The following TMEM132D variants were observed in gnomAD, a reference collection of about 807,000 sequenced individuals.
TMEM132D encodes mature OL transmembrane protein.
In TMEM132D, 21 loss-of-function variants were observed where a neutral mutation model predicts 62.3. The ratio of observed to expected loss-of-function variants is 0.34; its 90% CI spans 0.24 to 0.49. TMEM132D has a LOEUF of 0.49. Ranked by LOEUF, TMEM132D falls within the 20% of genes least tolerant of loss-of-function variation. TMEM132D has a pLI of 0.99. For missense variants in TMEM132D, 1,346 were observed against 1,402.8 expected (o/e 0.96, Z 0.65); for synonymous variants, 621 against 575.6 (o/e 1.08, Z -1.13).
At chr12:129,651,793 G>T (rs1879934599) in intron 2 of TMEM132D, among the ~76,000 whole-genome samples, 1 of 152,164 alleles carries the variant, frequency 6.6e-6, no homozygotes, top group South Asian at 2.1e-4. Flanking sequence ...CATGTATACA[G>T]TAGGAGTTCT....
rs189739557 is a variant in TMEM132D at position 129,801,007 on chromosome 12, C to T, written c.80-100309G>A. 5.0e-3 allele frequency among the ~76,000 whole-genome samples: 753 copies of T among 151,230 alleles called. 7 individuals are homozygous for T. The highest frequency in any genetic ancestry group is 0.017 in the African/African-American group (711 of 41,086). ...CCACCCGAATACTGCGCTTTTCTGACGGGCTTAAAAAATGGCGCACCAGGA... is the reference window on the plus strand; with the variant it reads ...CCACCCGAATACTGCGCTTTTCTGATGGGCTTAAAAAATGGCGCACCAGGA... On this transcript the variant is annotated intron_variant, in intron 1 of 8. Coordinates refer to ENST00000422113, the MANE Select transcript of TMEM132D (RefSeq NM_133448.3).
chr12:129,561,733 A>G (rs982818024), intron 2 of TMEM132D, among the ~76,000 whole-genome samples: 3 of 152,236 alleles, frequency 2.0e-5, no homozygotes, highest in Admixed American at 1.3e-4. Flanking sequence ...TGCCCAATTA[A>G]CATTTCAGAA....
rs1330017744 is a variant in TMEM132D at position 129,277,619 on chromosome 12, T to G, written c.1299+60015A>C. 6.6e-6 allele frequency among the ~76,000 whole-genome samples: 1 copy of G among 152,252 alleles called. No homozygotes were observed. Among genetic ancestry groups the G allele is most frequent in the African/African-American group, 2.4e-5 (1 of 41,472 alleles). On this transcript the variant is annotated intron_variant, in intron 4 of 8. Transcript: ENST00000422113. The surrounding 1 kb of genome is among the most constrained non-coding windows in gnomAD (Gnocchi z 4.2). ...GTCATGCAAACCAAAGTTGCTCATTTAAAAATTTAAAAGATTACATTTGAA... is the reference window on the plus strand; with the variant it reads ...GTCATGCAAACCAAAGTTGCTCATTGAAAAATTTAAAAGATTACATTTGAA...
intron 3 of TMEM132D, among the ~76,000 whole-genome samples, chr12:129,396,770 AAAGATGAC>A (rs1871444057): frequency 6.6e-6 from 1 of 152,236 alleles, no homozygotes; most frequent in African/African-American, 2.4e-5. Flanking sequence ...TGGCATGTTT[AAAGATGAC>A]TTTATACCCC....
intron 6 of TMEM132D, among the ~76,000 whole-genome samples, chr12:129,083,604 G>A (rs1874521223): frequency 6.6e-6 from 1 of 152,122 alleles, no homozygotes; most frequent in South Asian, 2.1e-4. Context: ...CTCTCCCAGG[G>A]GCCATGGGAC....
At chr12:129,361,190 A>G (rs1315468582) in intron 3 of TMEM132D, among the ~76,000 whole-genome samples, 1 of 152,264 alleles carries the variant, frequency 6.6e-6, no homozygotes, top group African/African-American at 2.4e-5. Flanking sequence ...TTCAAATGAA[A>G]TAAGACTGCA....
intron 2 of TMEM132D, among the ~76,000 whole-genome samples, chr12:129,594,755 G>A (rs1173992974): frequency 1.3e-5 from 2 of 152,138 alleles, no homozygotes; most frequent in Non-Finnish European, 2.9e-5. Flanking sequence ...TAGCAGGAGT[G>A]TTGCCTCCCT....
chr12:129,485,106 A>T (rs1874545120), intron 3 of TMEM132D, among the ~76,000 whole-genome samples: 1 of 152,178 alleles, frequency 6.6e-6, no homozygotes, highest in South Asian at 2.1e-4. Context: ...AAACCAGTGC[A>T]GGAGAGTGTG....
chr12:129,640,195 G>C (rs1263295976), intron 2 of TMEM132D, among the ~76,000 whole-genome samples: 1 of 152,016 alleles, frequency 6.6e-6, no homozygotes, highest in African/African-American at 2.4e-5. Flanking sequence ...CCTTTTTCTG[G>C]AAAGAGCCAG....
At chr12:129,496,136 T>A (rs978425423) in intron 3 of TMEM132D, among the ~76,000 whole-genome samples, 1 of 152,210 alleles carries the variant, frequency 6.6e-6, no homozygotes, top group African/African-American at 2.4e-5. Flanking sequence ...TAACATTACA[T>A]GCAATGAATA....
chr12:129,505,379 A>T (rs1875298372), intron 3 of TMEM132D, among the ~76,000 whole-genome samples: 1 of 152,006 alleles, frequency 6.6e-6, no homozygotes, highest in African/African-American at 2.4e-5. Context: ...AGTAGCTGGG[A>T]CTACAGGCGC....
At position 129,577,645 on chromosome 12, in the gene TMEM132D, C is replaced by T. The variant is rs141220064; in HGVS notation, c.969-46440G>A. 1.7e-3 allele frequency among the ~76,000 whole-genome samples: 256 copies of T among 149,868 alleles called. 4 individuals are homozygous for T. The highest frequency in any genetic ancestry group is 6.0e-3 in the African/African-American group (236 of 39,402). On this transcript the variant is annotated intron_variant, in intron 2 of 8. Coordinates refer to ENST00000422113, the MANE Select transcript of TMEM132D (RefSeq NM_133448.3). ...TATATTATTTGCATTCATGACATACCTAACGTTCAGTTTTTGATATTTGCA... is the reference window on the plus strand; with the variant it reads ...TATATTATTTGCATTCATGACATACTTAACGTTCAGTTTTTGATATTTGCA...
At chr12:129,383,350 G>A (rs751133046) in intron 3 of TMEM132D, among the ~76,000 whole-genome samples, 8 of 152,174 alleles carry the variant, frequency 5.3e-5, no homozygotes, top group Non-Finnish European at 8.8e-5. Flanking sequence ...AGCCCTCAGT[G>A]TGCAGGATTT....
intron 2 of TMEM132D, among the ~76,000 whole-genome samples, chr12:129,631,218 C>A (rs980117250): frequency 3.3e-5 from 5 of 152,206 alleles, no homozygotes; most frequent in Admixed American, 2.6e-4. Context: ...GAACTGCTTC[C>A]TTCAGCGCTA....
chr12:129,808,812 G>T (rs974456189), intron 1 of TMEM132D, among the ~76,000 whole-genome samples: 1 of 136,728 alleles, frequency 7.3e-6, no homozygotes, highest in Non-Finnish European at 1.5e-5. Flanking sequence ...AAAGTTGAGT[G>T]AATACTTTTT....
At chr12:129,276,405 T>C (rs1425315026) in intron 4 of TMEM132D, among the ~76,000 whole-genome samples, 1 of 152,194 alleles carries the variant, frequency 6.6e-6, no homozygotes, top group Non-Finnish European at 1.5e-5. Flanking sequence ...TTACAATAAA[T>C]ATATGAAAGA....
chr12:129,281,774 C>T (rs147944334), intron 4 of TMEM132D, among the ~76,000 whole-genome samples: 3 of 152,326 alleles, frequency 2.0e-5, no homozygotes, highest in African/African-American at 7.2e-5. Context: ...CCAAGACCTG[C>T]CTTTGGCCAG....
At chr12:129,611,472 C>T (rs192690702) in intron 2 of TMEM132D, among the ~76,000 whole-genome samples, 238 of 152,254 alleles carry the variant, frequency 1.6e-3, no homozygotes, top group South Asian at 5.2e-3. Context: ...GGATATTTTT[C>T]CCAGTTACTT....
chr12:129,784,401 AT>A (rs967925714), intron 1 of TMEM132D, among the ~76,000 whole-genome samples: 155 of 150,828 alleles, frequency 1.0e-3, no homozygotes, highest in African/African-American at 3.5e-3. Context: ...TTTTTAAAAT[AT>A]TTTTTTTTCA....
Sources: gnomAD v4.1 joint callset for allele counts (sites outside exome capture counted in the v4.1 genomes callset) on GRCh38, gnomAD v4.1.1 for gene constraint, Gnocchi (gnomAD v3.1) non-coding constraint, MANE v1.5 for transcripts, NCBI Gene and HGNC (gene_info 2026-07-23, HGNC 2026-07-21) for gene names.